IZUMO1: variants seen among roughly 807,000 people sequenced by gnomAD.
IZUMO1 encodes the protein izumo sperm-egg fusion protein 1.
A neutral mutation model predicts 40.7 loss-of-function variants in IZUMO1; 44 were observed. The ratio of observed to expected loss-of-function variants is 1.08; its 90% confidence interval spans 0.85 to 1.39. The LOEUF (loss-of-function observed/expected upper bound fraction) is 1.39, where lower values mean the gene tolerates loss of function less well. IZUMO1 is among the 40% of genes most tolerant of loss of function. The probability of loss-of-function intolerance (pLI) is 0.00; values close to 1 mark genes in which losing one functional copy is unlikely to be tolerated. For synonymous variants in IZUMO1, 149 were observed against 170.9 expected, an observed-to-expected ratio of 0.87 and a Z score of 1.00; for missense variants, 368 against 436.9, an observed-to-expected ratio of 0.84 and a Z score of 1.41.
At chr19:48,744,285 G>A in intron 4 of IZUMO1, 90 bp from the exon 5 acceptor site, 1 of 1,410,826 alleles carries the variant, frequency 7.1e-7, no homozygotes. Context: ...GTTGGGGGAA[G>A]AGCTGGGCTT....
At chr19:48,744,387 T>C in intron 4 of IZUMO1, 66 bp downstream of exon 4, 1 of 1,340,756 alleles carries the variant, frequency 7.5e-7, no homozygotes, top group Non-Finnish European at 1.1e-6. Context: ...AGTAAGGGGC[T>C]GGAGACAAGG....
At position 48,743,513 on chromosome 19, in the gene IZUMO1, T is replaced by C; in HGVS notation, c.431A>G (p.Gln144Arg). The change falls in exon 6 of 10, where the codon CAA becomes CGA. Residue 144 changes from glutamine (Q) to arginine (R), a missense_variant. Physicochemically the swap from Gln to Arg is conservative, Grantham distance 43. Transcript: ENST00000332955. ...GCAGTTCTTGCACCAGATCAGAGTT[T>C]GCAACATCACACCTGGAGGGGCAGG... is the stretch of plus-strand genomic sequence containing the variant. ...YCPNKCGVML[Q>R]TLIWCKNCKK... 1 of 1,613,874 alleles carries C rather than the reference T, an allele frequency of 6.2e-7. No homozygotes were observed. Among genetic ancestry groups the C allele is most frequent in the Non-Finnish European group, 8.5e-7 (1 of 1,179,762 alleles).
In IZUMO1 at chr19:48,741,301, G is replaced by A; in HGVS notation, c.932C>T (p.Ala311Val). Residue 311 changes from alanine to valine, a missense_variant and splice_region_variant, in exon 9 of 10, where the codon GCG becomes GTG. Coordinates refer to ENST00000332955, the MANE Select transcript of IZUMO1 (RefSeq NM_182575.3). The surrounding 1 kb of genome is among the most constrained non-coding windows in gnomAD (Gnocchi z 4.4). ...SLALITGLTF[A>V]IFRRRKVIDF... ...CTGTCTTCTTCAATGGGTTGCTTAC[G>A]CAAAGGTAAGGCCGGTTATCAGTGC... The A allele has an allele frequency of 6.3e-7, 1 of 1,587,118 alleles. No homozygotes were observed. The highest frequency in any genetic ancestry group is 8.6e-7 in the Non-Finnish European group (1 of 1,166,894).
intron 6 of IZUMO1, among the ~76,000 whole-genome samples, chr19:48,742,788 C>T (rs974272055): frequency 4.6e-5 from 6 of 129,780 alleles, no homozygotes; most frequent in Admixed American, 4.4e-4. Flanking sequence ...AGTGCAGTGG[C>T]GCGATCTTAT....
In IZUMO1 at chr19:48,741,795, C is replaced by G. The variant is rs2033705731; in HGVS notation, c.748G>C (p.Val250Leu). The change falls in exon 8 of 10, where the codon GTC (valine) becomes CTC (leucine). Residue 250 changes from valine (V) to leucine (L), a missense_variant. Val to Leu is a conservative substitution (Grantham distance 32). Coordinates refer to ENST00000332955, the MANE Select transcript of IZUMO1 (RefSeq NM_182575.3). This position sits in a 1 kb window ranked among gnomAD's most constrained non-coding sequence, Gnocchi z 4.4. ...SSPATIINFH[V>L]TVLPKMIKEE... Reference sequence around the variant, plus strand: ...TCAGCCCCACAGCACTGACCTGTGACGTGAAAATTGATGATCGTGGCTGGG... The same window carrying G: ...TCAGCCCCACAGCACTGACCTGTGAGGTGAAAATTGATGATCGTGGCTGGG... 6.3e-7 allele frequency: 1 copy of G among 1,585,960 alleles called. No homozygotes were observed. The highest frequency in any genetic ancestry group is 1.7e-5 in the Admixed American group (1 of 57,632).
In IZUMO1 at chr19:48,746,725, T is replaced by C. The variant is rs1248620628; in HGVS notation, c.-364A>G. The C allele has an allele frequency of 3.0e-6, 3 of 985,282 alleles. No individual in the cohort carries two copies. Among genetic ancestry groups the C allele is most frequent in the Non-Finnish European group, 3.6e-6 (3 of 829,932 alleles). 61.0% of individuals were successfully genotyped at this position (985,282 alleles called of 1,614,324 possible). ...AGAGGAAGCCGGGGTCATGACCACC[T>C]ACGCTAATTTTCCCAGGGGTAAAAT... On this transcript the variant is annotated 5_prime_UTR_variant, in exon 1 of 10. Transcript: ENST00000332955.
intron 5 of IZUMO1, chr19:48,743,850 G>T (rs1337201431): frequency 8.5e-6 from 4 of 469,670 alleles, no homozygotes; most frequent in South Asian, 2.3e-5. Context: ...AATTAGCTGG[G>T]TGTGATGGCG....
chr19:48,742,018 A>G, intron 7 of IZUMO1, 76 bp from the exon 8 acceptor site: 1 of 1,540,506 alleles, frequency 6.5e-7, no homozygotes, highest in Non-Finnish European at 8.8e-7. Flanking sequence ...AGAAGATCAC[A>G]GGGCCTCAGT....
At chr19:48,745,189 A>T in intron 3 of IZUMO1, 25 bp downstream of exon 3, 1 of 1,594,742 alleles carries the variant, frequency 6.3e-7, no homozygotes, top group Non-Finnish European at 8.6e-7. Context: ...GAGATTCGGG[A>T]CTCCCACCCC....
intron 6 of IZUMO1, 85 bp downstream of exon 6, chr19:48,743,360 C>G (rs1416657667): frequency 4.6e-6 from 6 of 1,291,924 alleles, no homozygotes; most frequent in Non-Finnish European, 5.5e-6. Context: ...GCCCCCACAC[C>G]CCCATCTAGG....
intron 6 of IZUMO1, 49 bp downstream of exon 6, chr19:48,743,396 G>A (rs749725030): frequency 5.0e-6 from 8 of 1,589,058 alleles, no homozygotes; most frequent in South Asian, 3.3e-5. Context: ...CTCTCCTCTC[G>A]CCCCACCCCA....
Position 48,745,348 on chromosome 19 carries a change from T to G in IZUMO1, c.236-60A>C, listed in dbSNP as rs372302955. ...TACTGTCTCATTGGCGCGCCTAATCTTAGAAACTACAATACCCATGAGGCC... is the reference window on the plus strand; with the variant it reads ...TACTGTCTCATTGGCGCGCCTAATCGTAGAAACTACAATACCCATGAGGCC... On this transcript the variant is annotated intron_variant, in intron 2 of 9. Transcript: ENST00000332955. 5.1e-5 allele frequency: 75 copies of G among 1,472,746 alleles called. No individual in the cohort carries two copies. The African/African-American group carries it at 9.3e-4, about 18-fold the overall frequency. 91.2% of individuals were successfully genotyped at this position (1,472,746 alleles called of 1,614,324 possible). A position where few individuals can be genotyped will look rare whatever the true frequency, so the allele number is the denominator to read the frequency against.
Position 48,741,918 on chromosome 19 carries a change from A to G in IZUMO1, c.625T>C (p.Leu209=). 1.9e-6 allele frequency: 3 copies of G among 1,609,560 alleles called. No individual in the cohort carries two copies. Among genetic ancestry groups the G allele is most frequent in the Non-Finnish European group, 2.5e-6 (3 of 1,177,070 alleles). ...GTGGCCTCTTTCCCCTTGGACACCA[A>G]GGTCTCCGTATTGTTCCCCCAAACC... ...YRVWGNNTET[L]VSKGKEATLT... Residue 209 remains leucine (L), a synonymous_variant, in exon 8 of 10, where the codon TTG becomes CTG. Coordinates refer to ENST00000332955, the MANE Select transcript of IZUMO1 (RefSeq NM_182575.3). The surrounding 1 kb of genome is among the most constrained non-coding windows in gnomAD (Gnocchi z 4.4).
At chr19:48,743,662 G>A in intron 5 of IZUMO1, 137 bp from the exon 6 acceptor site, 1 of 682,460 alleles carries the variant, frequency 1.5e-6, no homozygotes, top group East Asian at 2.7e-5. Flanking sequence ...CAGGACGCAG[G>A]TAAGTAGTAA....
intron 4 of IZUMO1, 115 bp downstream of exon 4, chr19:48,744,338 A>G: frequency 8.3e-7 from 1 of 1,199,896 alleles, no homozygotes; most frequent in Non-Finnish European, 1.2e-6. Flanking sequence ...GGTCTGAAGG[A>G]GGAGGCAGTT....
At chr19:48,746,206 C>T in intron 1 of IZUMO1, 1 of 1,100,900 alleles carries the variant, frequency 9.1e-7, no homozygotes, top group Non-Finnish European at 1.1e-6. Flanking sequence ...ATCTCCCAAC[C>T]CCATGCGCCC....
intron 1 of IZUMO1, 94 bp from the exon 2 acceptor site, chr19:48,746,026 A>C (rs751901702): frequency 2.5e-5 from 36 of 1,442,290 alleles, no homozygotes; most frequent in Non-Finnish European, 3.2e-5. Flanking sequence ...TCTTCAGGAA[A>C]TCTCCAAATA....
At position 48,746,835 on chromosome 19, in the gene IZUMO1, T is replaced by A; in HGVS notation, c.-474A>T. 2 of 985,362 alleles carry A rather than the reference T, an allele frequency of 2.0e-6. No individual in the cohort carries two copies. The highest frequency in any genetic ancestry group is 2.4e-6 in the Non-Finnish European group (2 of 829,910). 61.0% of individuals were successfully genotyped at this position (985,362 alleles called of 1,614,324 possible). A position where few individuals can be genotyped will look rare whatever the true frequency, so the allele number is the denominator to read the frequency against. On this transcript the variant is annotated 5_prime_UTR_variant, in exon 1 of 10. Transcript: ENST00000332955. ...GGGGTCTGAGTCACGGACGATCCCC[T>A]CTCCACAAGGAACTCCTGAAACCAC...
At chr19:48,746,351 C>CA (rs2033884564) in intron 1 of IZUMO1, 84 bp downstream of exon 1, 1 of 1,009,658 alleles carries the variant, frequency 9.9e-7, no homozygotes, top group Non-Finnish European at 1.2e-6. Context: ...GCTGAAGATT[C>CA]AATGCCCAAA....
Sources: allele counts gnomAD v4.1 joint callset (sites outside exome capture counted in the v4.1 genomes callset), GRCh38; gene constraint gnomAD v4.1.1; non-coding constraint Gnocchi (gnomAD v3.1); transcripts MANE v1.5; gene names NCBI Gene and HGNC (gene_info 2026-07-23, HGNC 2026-07-21).